The following DGKI variants were observed in gnomAD, a reference collection of about 807,000 sequenced individuals.
DGKI encodes diacylglycerol kinase iota.
A neutral mutation model predicts 147.5 loss-of-function variants in DGKI; 55 were observed. That is an observed-to-expected ratio of 0.37 (90% confidence interval 0.30 to 0.47). The LOEUF (loss-of-function observed/expected upper bound fraction) is 0.47, where lower values mean the gene tolerates loss of function less well. DGKI is among the 20% of genes least tolerant of loss of function. DGKI has a pLI of 1.00. For missense variants in DGKI, 1,007 were observed against 1,323.8 expected (o/e 0.76, Z 3.71); for synonymous variants, 469 against 477.1 (o/e 0.98, Z 0.22).
At chr7:137,825,672 T>A (rs944409852) in intron 1 of DGKI, among the ~76,000 whole-genome samples, 8 of 148,798 alleles carry the variant, frequency 5.4e-5, no homozygotes, top group Admixed American at 4.0e-4. Context: ...ATACACACAC[T>A]CACACACACA....
chr7:137,510,523 T>C (rs1816545179), intron 21 of DGKI, among the ~76,000 whole-genome samples: 1 of 152,248 alleles, frequency 6.6e-6, no homozygotes, highest in African/African-American at 2.4e-5. Context: ...CTTGGCTACA[T>C]GGCCAGGCTA....
chr7:137,740,320 A>G (rs1209789622), intron 1 of DGKI, among the ~76,000 whole-genome samples: 3 of 152,166 alleles, frequency 2.0e-5, no homozygotes. Context: ...TGAGGTTAAA[A>G]CAGTACTGCC....
intron 2 of DGKI, among the ~76,000 whole-genome samples, chr7:137,683,883 T>C (rs910869938): frequency 1.8e-4 from 27 of 152,184 alleles, no homozygotes; most frequent in African/African-American, 6.0e-4. Flanking sequence ...GATTTCTAGA[T>C]ATAGGCATGT....
chr7:137,627,876 A>C (rs1027907302), intron 6 of DGKI, among the ~76,000 whole-genome samples: 2 of 152,210 alleles, frequency 1.3e-5, no homozygotes, highest in Non-Finnish European at 2.9e-5. Context: ...CAAATCACTT[A>C]ACTCTTCTAA....
chr7:137,611,724 C>T lies in DGKI; in HGVS notation c.994-2115G>A, dbSNP rs115710303. 5.7e-3 allele frequency among the ~76,000 whole-genome samples: 874 copies of T among 152,270 alleles called. 14 individuals are homozygous for T. The highest frequency in any genetic ancestry group is 0.02 in the African/African-American group (815 of 41,546). The stretch of plus-strand genomic sequence containing the variant: ...CCATGAGCACTTCAGTAAATGTTAG[C>T]TCATTCTAAATAATGCCTCATTCTC... On this transcript the variant is annotated intron_variant, in intron 8 of 32. Transcript: ENST00000614521.
At chr7:137,711,818 C>T (rs373406869) in intron 1 of DGKI, among the ~76,000 whole-genome samples, 17 of 151,388 alleles carry the variant, frequency 1.1e-4, no homozygotes, top group South Asian at 8.4e-4. Flanking sequence ...CTCAGCCTCC[C>T]GAGTAGCTGG....
intron 1 of DGKI, among the ~76,000 whole-genome samples, chr7:137,826,602 C>T (rs984529998): frequency 6.6e-6 from 1 of 152,168 alleles, no homozygotes; most frequent in Non-Finnish European, 1.5e-5. Flanking sequence ...AAATTCAGAA[C>T]ACACATTTCT....
At chr7:137,582,402 C>T (rs1182322702) in intron 14 of DGKI, among the ~76,000 whole-genome samples, 1 of 150,600 alleles carries the variant, frequency 6.6e-6, no homozygotes, top group Non-Finnish European at 1.5e-5. Context: ...ACTTGTTTAT[C>T]CATCACCCAT....
At chr7:137,796,271 G>T (rs1217866670) in intron 1 of DGKI, among the ~76,000 whole-genome samples, 1 of 152,198 alleles carries the variant, frequency 6.6e-6, no homozygotes, top group African/African-American at 2.4e-5. Context: ...GCCAAGGCGG[G>T]TGGGTCACCT....
At chr7:137,404,002 C>G (rs889728244) in intron 30 of DGKI, among the ~76,000 whole-genome samples, 2 of 152,060 alleles carry the variant, frequency 1.3e-5, no homozygotes, top group African/African-American at 4.8e-5. Context: ...TTTGTCAGGT[C>G]AGGATATTCC....
intron 1 of DGKI, among the ~76,000 whole-genome samples, chr7:137,785,350 A>G (rs1796636865): frequency 6.6e-6 from 1 of 151,614 alleles, no homozygotes; most frequent in Non-Finnish European, 1.5e-5. Context: ...CACGTGCATA[A>G]ACCAGAAAAC....
chr7:137,806,088 T>A (rs1435152999), intron 1 of DGKI, among the ~76,000 whole-genome samples: 2 of 152,228 alleles, frequency 1.3e-5, no homozygotes, highest in African/African-American at 4.8e-5. Flanking sequence ...ACCTCCTTTT[T>A]CCACTCACCG....
chr7:137,575,259 A>G (rs988885091), intron 17 of DGKI, among the ~76,000 whole-genome samples: 2 of 152,196 alleles, frequency 1.3e-5, no homozygotes, highest in African/African-American at 2.4e-5. Context: ...TTATATAAAC[A>G]TTCCACCTTT....
intron 1 of DGKI, among the ~76,000 whole-genome samples, chr7:137,729,917 A>ATT (rs1794823094): frequency 6.6e-6 from 1 of 152,122 alleles, no homozygotes; most frequent in Admixed American, 6.6e-5. Context: ...GTTGACACTG[A>ATT]TCAAACGTAG....
intron 1 of DGKI, among the ~76,000 whole-genome samples, chr7:137,750,449 A>T (rs1795463030): frequency 6.6e-6 from 1 of 152,176 alleles, no homozygotes; most frequent in Non-Finnish European, 1.5e-5. Context: ...AGCCTGGCAC[A>T]TAGTAGGTGC....
chr7:137,584,037 T>C (rs908127741), intron 14 of DGKI, among the ~76,000 whole-genome samples: 2 of 152,184 alleles, frequency 1.3e-5, no homozygotes, highest in Admixed American at 6.5e-5. Flanking sequence ...GTAATTAAAT[T>C]GATCAGGATC....
rs868762624 is a variant in DGKI at position 137,416,009 on chromosome 7, A to G, written c.2762-3802T>C. Among the ~76,000 whole-genome samples the G allele has an allele frequency of 7.6e-3, 1,149 of 152,122 alleles. 9 individuals are homozygous for G. Among genetic ancestry groups the G allele is most frequent in the African/African-American group, 0.027 (1,100 of 41,492 alleles). Reference sequence around the variant, plus strand: ...TGTCTCAAAACCAACCAACAAACAAAAAAAACAACAACAAAATAGCCTATG... The same window carrying G: ...TGTCTCAAAACCAACCAACAAACAAGAAAAACAACAACAAAATAGCCTATG... On this transcript the variant is annotated intron_variant, in intron 28 of 32. Coordinates refer to ENST00000614521, the MANE Select transcript of DGKI (RefSeq NM_001321708.2).
chr7:137,431,261 T>C (rs1246820926), intron 28 of DGKI, among the ~76,000 whole-genome samples: 3 of 151,984 alleles, frequency 2.0e-5, no homozygotes, highest in African/African-American at 7.2e-5. Flanking sequence ...TTTTTTTTTT[T>C]TCTCAATGGC....
chr7:137,763,320 G>A (rs888164845), intron 1 of DGKI, among the ~76,000 whole-genome samples: 1 of 152,200 alleles, frequency 6.6e-6, no homozygotes, highest in Non-Finnish European at 1.5e-5. Flanking sequence ...GAAGCTACGG[G>A]TGTGAACTGA....
Sources: allele counts gnomAD v4.1 joint callset (sites outside exome capture counted in the v4.1 genomes callset), GRCh38; gene constraint gnomAD v4.1.1; transcripts MANE v1.5; gene names NCBI Gene and HGNC (gene_info 2026-07-23, HGNC 2026-07-21).